The following CAMTA1 variants were observed in gnomAD, a reference collection of about 807,000 sequenced individuals.
The protein encoded by CAMTA1 is calmodulin binding transcription activator 1.
In CAMTA1, 27 loss-of-function variants were observed where a neutral mutation model predicts 170.9. That is an observed-to-expected ratio of 0.16 (90% CI 0.12 to 0.22). The LOEUF is 0.22. Among genes scored for constraint, CAMTA1 ranks in the 10% least tolerant of loss-of-function variants. The pLI is 1.00. For synonymous variants in CAMTA1, 833 were observed against 891.5 expected, an observed-to-expected ratio of 0.93 and a Z score of 1.17; for missense variants, 1,619 against 2,217.2, an observed-to-expected ratio of 0.73 and a Z score of 5.42.
At chr1:7,493,059 GCGCGCACACACACAGACA>G (rs2093750057) in intron 6 of CAMTA1, among the ~76,000 whole-genome samples, 20 of 69,732 alleles carry the variant, frequency 2.9e-4, no homozygotes, top group South Asian at 9.9e-4. Flanking sequence ...ACATACACAC[GCGCGCACACACACAGACA>G]TACAAACGTG....
At chr1:7,186,846 C>T (rs947492219) in intron 4 of CAMTA1, among the ~76,000 whole-genome samples, 10 of 152,172 alleles carry the variant, frequency 6.6e-5, no homozygotes, top group South Asian at 2.1e-4. Context: ...TGTAGAGAAA[C>T]GTGCACAACC....
At chr1:6,845,975 A>G (rs1168658232) in intron 3 of CAMTA1, among the ~76,000 whole-genome samples, 2 of 152,216 alleles carry the variant, frequency 1.3e-5, no homozygotes, top group African/African-American at 2.4e-5. Context: ...AAGGCATGTC[A>G]TACATGGCAG....
intron 11 of CAMTA1, among the ~76,000 whole-genome samples, chr1:7,730,828 G>C (rs1248131191): frequency 6.6e-6 from 1 of 152,014 alleles, no homozygotes; most frequent in Non-Finnish European, 1.5e-5. Context: ...AAACTCAGGA[G>C]GCGGAGGTTG....
chr1:6,899,892 G>GGTGTTGCCTCTGT (rs1553179815), intron 3 of CAMTA1, among the ~76,000 whole-genome samples: 1 of 152,168 alleles, frequency 6.6e-6, no homozygotes, highest in Non-Finnish European at 1.5e-5. Flanking sequence ...TGGTGAACTT[G>GGTGTTGCCTCTGT]GTGTTGCCTC....
intron 7 of CAMTA1, among the ~76,000 whole-genome samples, chr1:7,643,757 A>G (rs770534078): frequency 6.6e-6 from 1 of 152,188 alleles, no homozygotes; most frequent in Non-Finnish European, 1.5e-5. Context: ...AGAGCCGCAC[A>G]CAATTCCTTG....
Position 7,641,985 on chromosome 1 carries a change from C to G in CAMTA1, c.664+1432C>G, listed in dbSNP as rs1048240917. On this transcript the variant is annotated intron_variant, in intron 7 of 22. Transcript: ENST00000303635. The surrounding 1 kb of genome is among the most constrained non-coding windows in gnomAD (Gnocchi z 4.5). ...CCCCCGGCCTCTGCAGGACTCTGCGCCCTTTCCACCTGCTGTAGTCCCCAC... is the reference window on the plus strand; with the variant it reads ...CCCCCGGCCTCTGCAGGACTCTGCGGCCTTTCCACCTGCTGTAGTCCCCAC... Among the ~76,000 whole-genome samples the G allele has an allele frequency of 4.6e-5, 7 of 151,710 alleles. No individual in the cohort carries two copies. The highest frequency in any genetic ancestry group is 1.7e-4 in the African/African-American group (7 of 41,182).
At chr1:6,815,353 C>G (rs1318132417) in intron 1 of CAMTA1, among the ~76,000 whole-genome samples, 2 of 152,056 alleles carry the variant, frequency 1.3e-5, no homozygotes, top group African/African-American at 2.4e-5. Flanking sequence ...TGCAGGCACA[C>G]AGTACCACAC....
chr1:7,223,229 A>G (rs1369617462), intron 4 of CAMTA1, among the ~76,000 whole-genome samples: 1 of 135,802 alleles, frequency 7.4e-6, no homozygotes, highest in African/African-American at 2.8e-5. Context: ...TGTTTCCTAC[A>G]TGTGTATGTC....
intron 4 of CAMTA1, among the ~76,000 whole-genome samples, chr1:7,239,514 C>T (rs1057200867): frequency 2.6e-5 from 4 of 152,130 alleles, no homozygotes. Context: ...TAGAGTCTTC[C>T]ATAGTCTGGA....
Position 7,736,539 on chromosome 1 carries a change from C to T in CAMTA1, c.3262C>T (p.Arg1088Cys). Reference protein sequence around the residue: ...ATLIQTLIKWRTKHADSIDLE... With the variant: ...ATLIQTLIKWCTKHADSIDLE... ...CCTAATCCAGACCCTCATCAAATGG[C>T]GGTAAGGCTGTGGTGCAGCTGGCTG... is the stretch of plus-strand genomic sequence containing the variant. Residue 1088 changes from arginine (R) to cysteine (C), a missense_variant and splice_region_variant, in exon 13 of 23, where the codon CGT becomes TGT. Around this residue, in one of 8 missense-constraint regions of CAMTA1, gnomAD observed 60 missense variants for 128.5 expected, o/e 0.47. Coordinates refer to ENST00000303635, the MANE Select transcript of CAMTA1 (RefSeq NM_015215.4). The surrounding 1 kb of genome is among the most constrained non-coding windows in gnomAD (Gnocchi z 4.5). 6.2e-7 allele frequency: 1 copy of T among 1,613,770 alleles called. No individual in the cohort carries two copies. The highest frequency in any genetic ancestry group is 8.5e-7 in the Non-Finnish European group (1 of 1,179,684).
At chr1:7,505,205 G>A (rs2094083060) in intron 6 of CAMTA1, among the ~76,000 whole-genome samples, 2 of 152,238 alleles carry the variant, frequency 1.3e-5, no homozygotes, top group South Asian at 4.1e-4. Flanking sequence ...TGGCAGGAAA[G>A]GAGGCCCTGA....
chr1:7,284,619 G>A (rs753842514), intron 5 of CAMTA1, among the ~76,000 whole-genome samples: 4 of 152,196 alleles, frequency 2.6e-5, no homozygotes, highest in Non-Finnish European at 5.9e-5. Context: ...TCCTTCATGC[G>A]ACGTTTGCTG....
At chr1:7,717,451 C>G (rs2096619165) in intron 11 of CAMTA1, among the ~76,000 whole-genome samples, 1 of 151,960 alleles carries the variant, frequency 6.6e-6, no homozygotes, top group African/African-American at 2.4e-5. Flanking sequence ...ATGTCCATGT[C>G]AAAAAAATTT....
intron 5 of CAMTA1, among the ~76,000 whole-genome samples, chr1:7,427,569 A>G (rs2091927158): frequency 6.6e-6 from 1 of 152,202 alleles, no homozygotes; most frequent in South Asian, 2.1e-4. Context: ...CATTGAAAGG[A>G]AGTGTCGAAG....
chr1:7,175,392 TA>T (rs142236500), intron 4 of CAMTA1, among the ~76,000 whole-genome samples: 5,175 of 152,348 alleles, frequency 0.034, 286 homozygotes, highest in African/African-American at 0.12. Flanking sequence ...ATAACCTGCT[TA>T]ACTCTTCAAG....
intron 3 of CAMTA1, among the ~76,000 whole-genome samples, chr1:6,926,500 TCTTC>T (rs1418435517): frequency 2.9e-3 from 390 of 136,832 alleles, no homozygotes; most frequent in Middle Eastern, 0.016. Flanking sequence ...CTCTCTCTTT[TCTTC>T]CTTCCTTCCT....
intron 22 of CAMTA1, among the ~76,000 whole-genome samples, chr1:7,758,934 C>CAAAA (rs34490247): frequency 1.3e-5 from 1 of 79,000 alleles, no homozygotes; most frequent in African/African-American, 5.1e-5. Flanking sequence ...GACTCTGTCT[C>CAAAA]AAAAAAAAAA....
chr1:6,791,306 C>G (rs1641040408), intron 1 of CAMTA1, among the ~76,000 whole-genome samples: 1 of 152,042 alleles, frequency 6.6e-6, no homozygotes, highest in South Asian at 2.1e-4. Context: ...TGCCCACCAT[C>G]CCTTTGTCCT....
At chr1:6,804,481 T>C (rs1461270267) in intron 1 of CAMTA1, among the ~76,000 whole-genome samples, 1 of 152,140 alleles carries the variant, frequency 6.6e-6, no homozygotes, top group Non-Finnish European at 1.5e-5. Context: ...AGAAAATCTG[T>C]ACCCATTAGC....
Sources: allele counts gnomAD v4.1 joint callset (sites outside exome capture counted in the v4.1 genomes callset), GRCh38; gene constraint gnomAD v4.1.1; regional missense constraint gnomAD v4.1.1; non-coding constraint Gnocchi (gnomAD v3.1); transcripts MANE v1.5; gene names NCBI Gene and HGNC (gene_info 2026-07-23, HGNC 2026-07-21).